Variants in PPP4R4 observed in about 807,000 individuals in gnomAD.
The protein encoded by PPP4R4 is protein phosphatase 4 regulatory subunit 4.
A neutral mutation model predicts 121.8 loss-of-function variants in PPP4R4; 70 were observed. The observed-to-expected ratio is 0.57, with a 90% CI of 0.47 to 0.70. The LOEUF (loss-of-function observed/expected upper bound fraction) is 0.70. PPP4R4 is among the 30% of genes least tolerant of loss of function. The pLI is 0.00. For missense variants in PPP4R4, 875 were observed against 1,033.6 expected (o/e 0.85, Z 2.10); for synonymous variants, 348 against 355.7 (o/e 0.98, Z 0.24).
At chr14:94,187,187 C>A (rs1889330880) in intron 2 of PPP4R4, among the ~76,000 whole-genome samples, 1 of 151,996 alleles carries the variant, frequency 6.6e-6, no homozygotes, top group Non-Finnish European at 1.5e-5. Flanking sequence ...TGGTGGGCAC[C>A]TGTAATCCCA....
At chr14:94,256,370 C>G (rs1345168013) in intron 16 of PPP4R4, 90 bp from the exon 17 acceptor site, 38 of 1,055,748 alleles carry the variant, frequency 3.6e-5, no homozygotes, top group Non-Finnish European at 5.1e-5. Context: ...TAAATGAACT[C>G]TCAGGCTATC....
At chr14:94,260,233 G>A (rs534317210) in intron 19 of PPP4R4, among the ~76,000 whole-genome samples, 124 of 152,178 alleles carry the variant, frequency 8.1e-4, no homozygotes, top group African/African-American at 2.7e-3. Context: ...AGACCATCCC[G>A]GCTAACATGG....
chr14:94,178,865 C>T (rs1888819938), intron 2 of PPP4R4, among the ~76,000 whole-genome samples: 1 of 152,158 alleles, frequency 6.6e-6, no homozygotes, highest in South Asian at 2.1e-4. Flanking sequence ...GTACTTAAAA[C>T]ATGTGAGTGA....
intron 24 of PPP4R4, among the ~76,000 whole-genome samples, chr14:94,275,916 G>A (rs992538453): frequency 2.6e-5 from 4 of 152,158 alleles, no homozygotes; most frequent in Non-Finnish European, 2.9e-5. Flanking sequence ...TAAGAAATAA[G>A]TGGCAGCATG....
At chr14:94,241,646 CATGTTCCTTTT>C in intron 9 of PPP4R4, 131 bp from the exon 10 acceptor site, 1 of 628,598 alleles carries the variant, frequency 1.6e-6, no homozygotes, top group Non-Finnish European at 2.6e-6. Context: ...ATACTCTTTT[CATGTTCCTTTT>C]ATTTATAAAG....
chr14:94,275,156 A>C (rs1894564316), intron 23 of PPP4R4, among the ~76,000 whole-genome samples: 1 of 152,168 alleles, frequency 6.6e-6, no homozygotes, highest in South Asian at 2.1e-4. Context: ...ACTGTTTCAT[A>C]GTGATAGACA....
chr14:94,276,768 G>A (rs566123091), intron 24 of PPP4R4, among the ~76,000 whole-genome samples: 13 of 152,210 alleles, frequency 8.5e-5, no homozygotes, highest in African/African-American at 1.9e-4. Flanking sequence ...GTAATTGGTC[G>A]TTGGGTATAT....
intron 11 of PPP4R4, among the ~76,000 whole-genome samples, chr14:94,243,557 A>AT (rs1892738784): frequency 6.6e-6 from 1 of 152,150 alleles, no homozygotes; most frequent in Admixed American, 6.5e-5. Context: ...TTAATATTTA[A>AT]TTTTATTTAT....
rs552916170 is a variant in PPP4R4, at chr14:94,275,611, T to A, written c.2597+90T>A. 1.5e-3 allele frequency: 2,086 copies of A among 1,403,622 alleles called. 6 individuals carry two copies. Among genetic ancestry groups the A allele is most frequent in the Non-Finnish European group, 2.0e-3 (1,984 of 1,009,134 alleles). The allele number at this position is 1,403,622 out of a possible 1,614,324, so 86.9% of individuals were successfully genotyped here. A position where few individuals can be genotyped will look rare whatever the true frequency, so the allele number is the denominator to read the frequency against. On this transcript the variant is annotated intron_variant, in intron 24 of 24. Coordinates refer to ENST00000304338, the MANE Select transcript of PPP4R4 (RefSeq NM_058237.2). Reference sequence around the variant, plus strand: ...TCCCACTTAAGTACTTTCCAAAGAATAGAAAATGTCTGTGATGAGAAAATG... The same window carrying A: ...TCCCACTTAAGTACTTTCCAAAGAAAAGAAAATGTCTGTGATGAGAAAATG...
intron 11 of PPP4R4, among the ~76,000 whole-genome samples, chr14:94,244,214 G>A (rs1475915894): frequency 6.6e-6 from 1 of 152,142 alleles, no homozygotes; most frequent in Non-Finnish European, 1.5e-5. Flanking sequence ...TAACTACCCC[G>A]ACATCACTGT....
Position 94,250,194 on chromosome 14 carries a change from C to T in PPP4R4, c.1634C>T (p.Ala545Val). 8 of 1,610,816 alleles carry T rather than the reference C, an allele frequency of 5.0e-6. No individual in the cohort carries two copies. Among genetic ancestry groups the T allele is most frequent in the East Asian group, 2.2e-5 (1 of 44,796 alleles). Residue 545 changes from alanine to valine, a missense_variant, in exon 15 of 25, where the codon GCG becomes GTG. Ala to Val is a moderately conservative substitution (Grantham distance 64). Coordinates refer to ENST00000304338, the MANE Select transcript of PPP4R4 (RefSeq NM_058237.2). ...MTNNVLPVQK[A>V]ASRTLCIFLR... ...AAGAATGTTTTACCTGTCCAAAAGG[C>T]GGCTTCACGAACTCTATGCATTTTT...
intron 2 of PPP4R4, among the ~76,000 whole-genome samples, chr14:94,195,952 AC>A (rs955554284): frequency 2.6e-5 from 4 of 151,986 alleles, no homozygotes; most frequent in Admixed American, 6.6e-5. Flanking sequence ...GAGCAATATC[AC>A]CCTATAGACT....
Position 94,190,102 on chromosome 14 carries a change from C to G in PPP4R4, c.191+13975C>G, listed in dbSNP as rs569503053. ...GCTATATTGCCCAGCTGGTCTCAAA[C>G]TCCTGGCCTCAAGCAATCTTCCTGA... On this transcript the variant is annotated intron_variant, in intron 2 of 24. Coordinates refer to ENST00000304338, the MANE Select transcript of PPP4R4 (RefSeq NM_058237.2). Among the ~76,000 whole-genome samples the G allele has an allele frequency of 1.0e-3, 150 of 149,712 alleles. 2 individuals carry two copies. Among genetic ancestry groups the G allele is most frequent in the African/African-American group, 3.5e-3 (144 of 40,678 alleles).
intron 16 of PPP4R4, among the ~76,000 whole-genome samples, chr14:94,252,979 G>A (rs931920583): frequency 3.9e-5 from 6 of 152,176 alleles, no homozygotes; most frequent in Admixed American, 1.3e-4. Flanking sequence ...AAAAGATACC[G>A]AAAAGTTCAA....
At chr14:94,250,604 A>G (rs1302044488) in intron 15 of PPP4R4, among the ~76,000 whole-genome samples, 1 of 151,998 alleles carries the variant, frequency 6.6e-6, no homozygotes, top group Non-Finnish European at 1.5e-5. Context: ...CATTTATTTT[A>G]TGGTCCTATT....
At chr14:94,220,617 A>AT (rs1214891261) in intron 3 of PPP4R4, among the ~76,000 whole-genome samples, 1 of 152,176 alleles carries the variant, frequency 6.6e-6, no homozygotes, top group Non-Finnish European at 1.5e-5. Flanking sequence ...TTGGAAACTG[A>AT]AGTTTTTCTT....
intron 2 of PPP4R4, among the ~76,000 whole-genome samples, chr14:94,185,169 A>C (rs1305645345): frequency 5.9e-5 from 9 of 152,120 alleles, no homozygotes; most frequent in South Asian, 2.1e-4. Flanking sequence ...ACCTTGGGTA[A>C]GTTGCTTATC....
chr14:94,211,107 T>C (rs1008347594), intron 3 of PPP4R4, among the ~76,000 whole-genome samples: 1 of 152,184 alleles, frequency 6.6e-6, no homozygotes, highest in Non-Finnish European at 1.5e-5. Context: ...GGCATTCTCA[T>C]TCATTCATAA....
intron 12 of PPP4R4, among the ~76,000 whole-genome samples, chr14:94,245,149 A>T (rs1000099438): frequency 2.6e-5 from 4 of 152,094 alleles, no homozygotes; most frequent in Admixed American, 2.6e-4. Context: ...ATATGTACTT[A>T]TGAAGACTTT....
Sources: allele counts gnomAD v4.1 joint callset (sites outside exome capture counted in the v4.1 genomes callset), GRCh38; gene constraint gnomAD v4.1.1; transcripts MANE v1.5; gene names NCBI Gene and HGNC (gene_info 2026-07-23, HGNC 2026-07-21).